AKAP6: variants seen among roughly 807,000 people sequenced by gnomAD.
The protein encoded by AKAP6 is A-kinase anchoring protein 6.
Under a neutral mutation model 188.5 loss-of-function variants are expected in AKAP6, and 58 were observed. The ratio of observed to expected loss-of-function variants is 0.31; its 90% CI spans 0.25 to 0.38. The LOEUF is 0.38. Ranked by LOEUF, AKAP6 falls within the 10% of genes least tolerant of loss-of-function variation. The pLI is 1.00. For synonymous variants in AKAP6, 989 were observed against 998.6 expected (o/e 0.99, Z 0.18); for missense variants, 2,710 against 2,740.0 (o/e 0.99, Z 0.24).
At chr14:32,743,079 T>C (rs1474987869) in intron 11 of AKAP6, among the ~76,000 whole-genome samples, 3 of 152,132 alleles carry the variant, frequency 2.0e-5, no homozygotes, top group Admixed American at 2.0e-4. Flanking sequence ...TCTTTCAAAT[T>C]GTATCATCTT....
At chr14:32,494,992 C>T (rs1880234058) in intron 2 of AKAP6, 1 of 152,174 alleles carries the variant, frequency 6.6e-6, no homozygotes, top group African/African-American at 2.4e-5. Context: ...CATCAGCTTA[C>T]ATTCTCTGAG....
At chr14:32,612,083 C>G (rs1301667683) in intron 7 of AKAP6, among the ~76,000 whole-genome samples, 3 of 152,114 alleles carry the variant, frequency 2.0e-5, no homozygotes, top group Admixed American at 2.0e-4. Flanking sequence ...CCTATCCTCT[C>G]AAAAGAGATT....
At chr14:32,403,940 A>T (rs1889184411) in intron 1 of AKAP6, among the ~76,000 whole-genome samples, 1 of 152,088 alleles carries the variant, frequency 6.6e-6, no homozygotes, top group African/African-American at 2.4e-5. Context: ...ATGTGGTTTT[A>T]TTGTCTGCTA....
At chr14:32,649,032 A>G (rs952440477) in intron 7 of AKAP6, among the ~76,000 whole-genome samples, 2 of 152,172 alleles carry the variant, frequency 1.3e-5, no homozygotes, top group Non-Finnish European at 2.9e-5. Flanking sequence ...TTAATCAAAC[A>G]TCAAAAAATT....
At chr14:32,618,416 T>TA (rs1213598268) in intron 7 of AKAP6, among the ~76,000 whole-genome samples, 1 of 152,214 alleles carries the variant, frequency 6.6e-6, no homozygotes, top group African/African-American at 2.4e-5. Flanking sequence ...ACCCATAGCT[T>TA]AGCCCCCACT....
intron 7 of AKAP6, among the ~76,000 whole-genome samples, chr14:32,670,514 T>C (rs1379363679): frequency 1.3e-5 from 2 of 152,128 alleles, no homozygotes; most frequent in African/African-American, 2.4e-5. Flanking sequence ...TGCTTAGATA[T>C]ACTGCATTGA....
At chr14:32,592,371 A>C (rs1474064605) in intron 5 of AKAP6, among the ~76,000 whole-genome samples, 1 of 152,190 alleles carries the variant, frequency 6.6e-6, no homozygotes, top group Non-Finnish European at 1.5e-5. Flanking sequence ...AAGGGTGGGG[A>C]AACCAGTTAG....
At chr14:32,497,640 G>A (rs10147478) in intron 2 of AKAP6, among the ~76,000 whole-genome samples, 3,277 of 152,114 alleles carry the variant, frequency 0.022, 72 homozygotes, top group South Asian at 0.096. Context: ...ACTAGGTCAA[G>A]TTGGTTGCTA....
At chr14:32,770,052 A>G (rs1324411920) in intron 11 of AKAP6, among the ~76,000 whole-genome samples, 3 of 152,214 alleles carry the variant, frequency 2.0e-5, no homozygotes, top group Non-Finnish European at 4.4e-5. Context: ...GCTCAATAAT[A>G]TGATTGGTTT....
chr14:32,611,371 A>ACCTCCCC (rs1886346074), intron 7 of AKAP6, among the ~76,000 whole-genome samples: 1 of 152,134 alleles, frequency 6.6e-6, no homozygotes, highest in South Asian at 2.1e-4. Context: ...GGTGATTCTA[A>ACCTCCCC]AGTACAGGAA....
At chr14:32,684,930 A>T (rs1307108398) in intron 8 of AKAP6, among the ~76,000 whole-genome samples, 1 of 152,064 alleles carries the variant, frequency 6.6e-6, no homozygotes, top group Non-Finnish European at 1.5e-5. Flanking sequence ...CAGTGTAGTG[A>T]GAGAGAGAGA....
chr14:32,400,385 T>G (rs1172102787), intron 1 of AKAP6, among the ~76,000 whole-genome samples: 2 of 151,718 alleles, frequency 1.3e-5, no homozygotes, highest in Non-Finnish European at 2.9e-5. Flanking sequence ...GCAGTGACAT[T>G]TAGAGTTACA....
rs560916250 is a variant in AKAP6, at chr14:32,651,076, G to A, written c.2731-27235G>A. ...GTGTTGCAAGAACCAGAGGGCTTTG[G>A]GACTTGTGTAGGTTATTTGGTGCTC... is the stretch of plus-strand genomic sequence containing the variant. On this transcript the variant is annotated intron_variant, in intron 7 of 13. Coordinates refer to ENST00000280979, the MANE Select transcript of AKAP6 (RefSeq NM_004274.5). 9.2e-5 allele frequency among the ~76,000 whole-genome samples: 14 copies of A among 152,226 alleles called. 1 individual carries two copies. The highest frequency in any genetic ancestry group is 3.4e-3 in the Middle Eastern group (1 of 294).
chr14:32,761,787 T>C (rs2032549243), intron 11 of AKAP6, among the ~76,000 whole-genome samples: 3 of 152,142 alleles, frequency 2.0e-5, no homozygotes, highest in Admixed American at 2.0e-4. Context: ...TACTGAATCA[T>C]TTCCTTCCTT....
At chr14:32,786,324 T>TTTTTTTTTTTTTTTTTTTTG in intron 12 of AKAP6, among the ~76,000 whole-genome samples, 3 of 127,682 alleles carry the variant, frequency 2.3e-5, no homozygotes, top group East Asian at 2.3e-4. Context: ...TTTTTTTTTT[T>TTTTTTTTTTTTTTTTTTTTG]TGAGACGGAA....
intron 1 of AKAP6, among the ~76,000 whole-genome samples, chr14:32,378,320 A>G (rs1490758482): frequency 6.6e-6 from 1 of 152,238 alleles, no homozygotes; most frequent in Non-Finnish European, 1.5e-5. Context: ...CAAAGGGAAG[A>G]AATACACTTT....
At chr14:32,787,517 C>T (rs1489958482) in intron 12 of AKAP6, among the ~76,000 whole-genome samples, 3 of 99,628 alleles carry the variant, frequency 3.0e-5, no homozygotes, top group Non-Finnish European at 5.9e-5. Flanking sequence ...CTAGATTTCA[C>T]CCCCCCCAAA....
intron 10 of AKAP6, among the ~76,000 whole-genome samples, chr14:32,735,385 G>T (rs2031366873): frequency 6.6e-6 from 1 of 152,094 alleles, no homozygotes; most frequent in Non-Finnish European, 1.5e-5. Flanking sequence ...TTAAAGGAAA[G>T]TAAGTGAATG....
At chr14:32,376,440 T>C (rs1246226207) in intron 1 of AKAP6, among the ~76,000 whole-genome samples, 2 of 152,164 alleles carry the variant, frequency 1.3e-5, no homozygotes, top group African/African-American at 4.8e-5. Flanking sequence ...CCCAGGAAAA[T>C]GGAGTCTACG....
Sources: allele counts gnomAD v4.1 joint callset (sites outside exome capture counted in the v4.1 genomes callset), GRCh38; gene constraint gnomAD v4.1.1; transcripts MANE v1.5; gene names NCBI Gene and HGNC (gene_info 2026-07-23, HGNC 2026-07-21).